Variants in LUZP2 observed in about 807,000 individuals in gnomAD.
LUZP2 encodes the protein leucine zipper protein 2.
In LUZP2, 52 loss-of-function variants were observed where a neutral mutation model predicts 51.6. The ratio of observed to expected loss-of-function variants is 1.01; its 90% CI spans 0.81 to 1.27. LUZP2 has a LOEUF of 1.27. Ranked by LOEUF, LUZP2 falls within the 50% of genes most tolerant of loss-of-function variation. The pLI, the probability that LUZP2 is intolerant of heterozygous loss-of-function variation, is 0.00. For missense variants in LUZP2, 436 were observed against 395.4 expected, an observed-to-expected ratio of 1.10 and a Z score of -0.87; for synonymous variants, 154 against 137.3, an observed-to-expected ratio of 1.12 and a Z score of -0.85.
intron 9 of LUZP2, among the ~76,000 whole-genome samples, chr11:25,000,190 C>T (rs1048881109): frequency 2.6e-5 from 4 of 152,106 alleles, no homozygotes; most frequent in African/African-American, 9.7e-5. Context: ...TAGCTAGACA[C>T]AGAGTGCTGA....
chr11:24,726,732 T>G (rs1391798487), intron 1 of LUZP2, among the ~76,000 whole-genome samples: 1 of 152,076 alleles, frequency 6.6e-6, no homozygotes, highest in Non-Finnish European at 1.5e-5. Flanking sequence ...TAGTAATATA[T>G]AGACATGGAA....
intron 7 of LUZP2, among the ~76,000 whole-genome samples, chr11:24,974,019 T>C (rs569271447): frequency 6.6e-5 from 10 of 152,134 alleles, no homozygotes; most frequent in Non-Finnish European, 1.5e-4. Flanking sequence ...ATGTGTCTAA[T>C]ATTGTCAGTG....
intron 5 of LUZP2, among the ~76,000 whole-genome samples, chr11:24,889,062 G>A (rs1036862815): frequency 6.6e-6 from 1 of 152,090 alleles, no homozygotes. Flanking sequence ...CCAATTGAGA[G>A]GTATTCCCTA....
chr11:24,876,951 CAG>C lies in LUZP2; in HGVS notation c.397-29037_397-29036del, dbSNP rs1363466880. On this transcript the variant is annotated intron_variant, in intron 5 of 11. Transcript: ENST00000336930. ...TCTGGTTCTTAACACCTTCAAGTAACAGAGTCACAACACCTGACTTTATGTCA... is the reference window on the plus strand; with the variant it reads ...TCTGGTTCTTAACACCTTCAAGTAACAGTCACAACACCTGACTTTATGTCA... 5.3e-5 allele frequency among the ~76,000 whole-genome samples: 8 copies of C among 152,232 alleles called. No homozygotes were observed. The South Asian group carries it at 1.5e-3, about 28-fold the overall frequency.
chr11:24,534,997 T>C (rs1370440078), intron 1 of LUZP2, among the ~76,000 whole-genome samples: 1 of 151,190 alleles, frequency 6.6e-6, no homozygotes, highest in Non-Finnish European at 1.5e-5. Flanking sequence ...AAAATGAATA[T>C]TGACATAAAG....
intron 5 of LUZP2, among the ~76,000 whole-genome samples, chr11:24,882,793 A>AG (rs1852515091): frequency 2.8e-5 from 4 of 145,182 alleles, no homozygotes; most frequent in Non-Finnish European, 4.6e-5. Context: ...GAAGAAAGGA[A>AG]GAAAGGAAGG....
intron 1 of LUZP2, among the ~76,000 whole-genome samples, chr11:24,567,833 C>T (rs1000262139): frequency 6.6e-6 from 1 of 151,900 alleles, no homozygotes; most frequent in African/African-American, 2.4e-5. Flanking sequence ...AAAAGAGATC[C>T]TAAAGGAAGT....
intron 5 of LUZP2, among the ~76,000 whole-genome samples, chr11:24,874,899 A>G (rs1852195841): frequency 6.6e-6 from 1 of 152,104 alleles, no homozygotes; most frequent in South Asian, 2.1e-4. Context: ...GTTTTTTCCC[A>G]AAATAGCTCT....
chr11:24,720,885 G>A lies in LUZP2; in HGVS notation c.63-8284G>A, dbSNP rs571816517. 1.6e-4 allele frequency among the ~76,000 whole-genome samples: 25 copies of A among 152,252 alleles called. No individual in the cohort carries two copies. In the South Asian group the frequency reaches 2.7e-3, roughly 16 times the overall value. On this transcript the variant is annotated intron_variant, in intron 1 of 11. Coordinates refer to ENST00000336930, the MANE Select transcript of LUZP2 (RefSeq NM_001009909.4). ...CGGCTAATTTTTTGTATTTTTAGTA[G>A]AGACAGGGTTTCACCGTGGTCTCGA...
At chr11:24,574,165 TTTTCTTTC>T (rs139420498) in intron 1 of LUZP2, among the ~76,000 whole-genome samples, 46 of 135,448 alleles carry the variant, frequency 3.4e-4, no homozygotes, top group East Asian at 1.6e-3. Context: ...CTTCTTTCAA[TTTTCTTTC>T]TTTCTTTCTT....
At chr11:25,035,787 T>G (rs1247610901) in intron 9 of LUZP2, among the ~76,000 whole-genome samples, 2 of 152,114 alleles carry the variant, frequency 1.3e-5, no homozygotes, top group Non-Finnish European at 2.9e-5. Flanking sequence ...TTACTTATGT[T>G]GAACTAGCCT....
At chr11:24,766,094 A>G (rs1473080595) in intron 5 of LUZP2, among the ~76,000 whole-genome samples, 2 of 151,912 alleles carry the variant, frequency 1.3e-5, no homozygotes, top group Non-Finnish European at 2.9e-5. Context: ...TATTTCATCT[A>G]TTTCCAGTTA....
chr11:24,701,902 T>A lies in LUZP2; in HGVS notation c.63-27267T>A, dbSNP rs145587912. Among the ~76,000 whole-genome samples the A allele has an allele frequency of 1.4e-3, 207 of 152,216 alleles. 1 individual carries two copies. The highest frequency in any genetic ancestry group is 4.9e-3 in the African/African-American group (203 of 41,526). ...AAGTATACTAAATGGCAACATGGAG[T>A]CACAGTTCTGCATTTAATGTCTTGA... On this transcript the variant is annotated intron_variant, in intron 1 of 11. Coordinates refer to ENST00000336930, the MANE Select transcript of LUZP2 (RefSeq NM_001009909.4).
intron 5 of LUZP2, among the ~76,000 whole-genome samples, chr11:24,791,376 G>A (rs192991641): frequency 1.3e-5 from 2 of 152,158 alleles, no homozygotes; most frequent in Admixed American, 1.3e-4. Context: ...TAGCTTTAAA[G>A]GTATACCTTT....
At chr11:24,580,648 C>T (rs1256643981) in intron 1 of LUZP2, among the ~76,000 whole-genome samples, 1 of 151,812 alleles carries the variant, frequency 6.6e-6, no homozygotes, top group African/African-American at 2.4e-5. Context: ...CATTTTTTTG[C>T]AAATGTGATA....
intron 5 of LUZP2, among the ~76,000 whole-genome samples, chr11:24,787,826 C>G (rs967632319): frequency 1.3e-5 from 2 of 152,134 alleles, no homozygotes; most frequent in African/African-American, 2.4e-5. Flanking sequence ...ATTAGTTACA[C>G]AATGTTGACC....
chr11:24,886,483 C>T (rs926154280), intron 5 of LUZP2, among the ~76,000 whole-genome samples: 1 of 152,080 alleles, frequency 6.6e-6, no homozygotes, highest in African/African-American at 2.4e-5. Context: ...TCATTTTTCC[C>T]CTAGTTTCTC....
At chr11:24,580,945 T>C (rs10834398) in intron 1 of LUZP2, among the ~76,000 whole-genome samples, 64,754 of 151,808 alleles carry the variant, frequency 0.43, 14,782 homozygotes, top group East Asian at 0.52. Flanking sequence ...GAACCAAGTA[T>C]AAGAAAAAAA....
At position 24,601,115 on chromosome 11, in the gene LUZP2, G is replaced by T. The variant is rs11826003; in HGVS notation, c.62+103810G>T. 7.9e-3 allele frequency among the ~76,000 whole-genome samples: 1,200 copies of T among 152,140 alleles called. 18 individuals are homozygous for T. Among genetic ancestry groups the T allele is most frequent in the African/African-American group, 0.027 (1,135 of 41,542 alleles). The stretch of plus-strand genomic sequence containing the variant: ...TAAAGGGAAGTCAGAAAGACTTAAA[G>T]TGTGAGAAAAAGTGAATATGTCATT... On this transcript the variant is annotated intron_variant, in intron 1 of 11. Transcript: ENST00000336930.
Sources: allele counts gnomAD v4.1 joint callset (sites outside exome capture counted in the v4.1 genomes callset), GRCh38; gene constraint gnomAD v4.1.1; transcripts MANE v1.5; gene names NCBI Gene and HGNC (gene_info 2026-07-23, HGNC 2026-07-21).